CCDC51: variants seen among roughly 807,000 people sequenced by gnomAD.
The protein encoded by CCDC51 is coiled-coil domain containing 51, also known as mitochondrial potassium channel.
CCDC51 carries 25 observed loss-of-function variants against 24.8 expected under a neutral mutation model. That is an observed-to-expected ratio of 1.01 (90% confidence interval 0.73 to 1.41). The LOEUF (loss-of-function observed/expected upper bound fraction) is 1.41, where lower values mean the gene tolerates loss of function less well. CCDC51 is among the 40% of genes most tolerant of loss of function. The pLI, the probability that CCDC51 is intolerant of heterozygous loss-of-function variation, is 0.00. For synonymous variants in CCDC51, 190 were observed against 204.3 expected (o/e 0.93, Z 0.60); for missense variants, 466 against 519.1 (o/e 0.90, Z 0.99).
In CCDC51 at chr3:48,433,007, G is replaced by A. The variant is rs1483465770; in HGVS notation, c.637C>T (p.Leu213=). The A allele has an allele frequency of 6.2e-7, 1 of 1,614,058 alleles. No individual in the cohort carries two copies. The highest frequency in any genetic ancestry group is 1.3e-5 in the African/African-American group (1 of 74,922). ...WSLIGSVLGA[L]IGVAGSTYVN... ...TAGGTGGAGCCAGCCACACCAATCA[G>A]GGCCCCCAGGACTGAGCCAATGAGG... The change falls in exon 4 of 4, where the codon CTG becomes TTG. Residue 213 remains leucine, a synonymous_variant. Coordinates refer to ENST00000395694, the MANE Select transcript of CCDC51 (RefSeq NM_001256964.2). The surrounding 1 kb of genome is among the most constrained non-coding windows in gnomAD (Gnocchi z 4.4).
intron 1 of CCDC51, among the ~76,000 whole-genome samples, chr3:48,439,453 G>A (rs1414823884): frequency 4.6e-5 from 7 of 152,164 alleles, no homozygotes; most frequent in Admixed American, 3.3e-4. Flanking sequence ...CCAACATGGC[G>A]AAACCCCGTC....
rs567052463 is a variant in CCDC51, at chr3:48,435,739, A to G, written c.-8-603T>C. Among the ~76,000 whole-genome samples the G allele has an allele frequency of 1.3e-5, 2 of 152,286 alleles. No individual in the cohort carries two copies. The highest frequency in any genetic ancestry group is 2.1e-4 in the South Asian group (1 of 4,820). ...CAGGCCATTTGTGACCCAAGACAGA[A>G]AACTCTCAGCTCTCCTCTAAGATAA... On this transcript the variant is annotated intron_variant, in intron 1 of 3. Coordinates refer to ENST00000395694, the MANE Select transcript of CCDC51 (RefSeq NM_001256964.2). The surrounding 1 kb of genome is among the most constrained non-coding windows in gnomAD (Gnocchi z 4.2).
At chr3:48,443,829 G>T, upstream of CCDC51, 1 of 1,556,942 alleles carries the variant, frequency 6.4e-7, no homozygotes, top group Admixed American at 2.1e-5. Flanking sequence ...CCCTAATTGT[G>T]ACTATTTTTC....
intron 1 of CCDC51, among the ~76,000 whole-genome samples, chr3:48,438,504 A>G (rs1297181253): frequency 6.6e-6 from 1 of 152,126 alleles, no homozygotes; most frequent in Non-Finnish European, 1.5e-5. Context: ...GATGACAGCA[A>G]TACCAAGTTC....
chr3:48,440,152 C>T (rs574756359), upstream of CCDC51: 1 of 1,372,664 alleles, frequency 7.3e-7, no homozygotes, highest in South Asian at 1.5e-5. Context: ...TGTTAGTACC[C>T]GCCCCTGGAG....
chr3:48,433,630 C>G lies in CCDC51; in HGVS notation c.477+77G>C. 1 of 1,499,772 alleles carries G rather than the reference C, an allele frequency of 6.7e-7. No homozygotes were observed. The highest frequency in any genetic ancestry group is 1.3e-5 in the South Asian group (1 of 79,220). The allele number at this position is 1,499,772 out of a possible 1,614,324, so 92.9% of individuals were successfully genotyped here. On this transcript the variant is annotated intron_variant, in intron 3 of 3. Coordinates refer to ENST00000395694, the MANE Select transcript of CCDC51 (RefSeq NM_001256964.2). This position sits in a 1 kb window ranked among gnomAD's most constrained non-coding sequence, Gnocchi z 4.4. ...CTCTGACTACAGACCAGTCAGGGTT[C>G]CCACCCGGCCCCTCCATGATCTGCC...
chr3:48,442,682 C>T (rs1036811965), upstream of CCDC51, among the ~76,000 whole-genome samples: 1 of 151,902 alleles, frequency 6.6e-6, no homozygotes, highest in Admixed American at 6.6e-5. Flanking sequence ...GATCTCCTGA[C>T]CTCGTGATCC....
chr3:48,440,691 G>GC, upstream of CCDC51: 1 of 1,456,102 alleles, frequency 6.9e-7, no homozygotes, highest in South Asian at 1.2e-5. Context: ...TGGGATGAGG[G>GC]CGCGGGCATG....
rs2039256644 is a variant in CCDC51, at chr3:48,433,632, C to T, written c.477+75G>A. The T allele has an allele frequency of 2.0e-6, 3 of 1,515,132 alleles. No homozygotes were observed. Among genetic ancestry groups the T allele is most frequent in the African/African-American group, 2.7e-5 (2 of 72,812 alleles). The allele number at this position is 1,515,132 out of a possible 1,614,324, so 93.9% of individuals were successfully genotyped here. ...CTGACTACAGACCAGTCAGGGTTCC[C>T]ACCCGGCCCCTCCATGATCTGCCAG... On this transcript the variant is annotated intron_variant, in intron 3 of 3. Transcript: ENST00000395694. The surrounding 1 kb of genome is among the most constrained non-coding windows in gnomAD (Gnocchi z 4.4).
intron 1 of CCDC51, among the ~76,000 whole-genome samples, chr3:48,438,891 T>C (rs909816091): frequency 1.8e-4 from 28 of 152,186 alleles, no homozygotes; most frequent in African/African-American, 6.3e-4. Context: ...CTGGCTCTCA[T>C]TCCTCTCTGA....
chr3:48,443,759 C>A (rs955420170), upstream of CCDC51: 12 of 1,084,308 alleles, frequency 1.1e-5, no homozygotes, highest in African/African-American at 1.6e-5. Context: ...ATACAAAAGC[C>A]AGGCTTTACT....
At chr3:48,443,573 G>A (rs1353240153), upstream of CCDC51, among the ~76,000 whole-genome samples, 1 of 151,968 alleles carries the variant, frequency 6.6e-6, no homozygotes, top group Non-Finnish European at 1.5e-5. Flanking sequence ...CTGTAAAATG[G>A]GTTGATATGG....
chr3:48,440,259 T>C, upstream of CCDC51: 1 of 1,579,724 alleles, frequency 6.3e-7, no homozygotes, highest in Non-Finnish European at 8.6e-7. Flanking sequence ...GACGCTCCGT[T>C]TCCGGTGGCA....
chr3:48,433,558 G>C lies in CCDC51; in HGVS notation c.477+149C>G. On this transcript the variant is annotated intron_variant, in intron 3 of 3. Coordinates refer to ENST00000395694, the MANE Select transcript of CCDC51 (RefSeq NM_001256964.2). This position sits in a 1 kb window ranked among gnomAD's most constrained non-coding sequence, Gnocchi z 4.4. ...TATATGGATAGACTCTGGAAGCTTG[G>C]GGTTCTGTCCATCCATAGGAGCTTC... is the stretch of plus-strand genomic sequence containing the variant. The C allele has an allele frequency of 1.2e-6, 1 of 818,934 alleles. No individual in the cohort carries two copies. Among genetic ancestry groups the C allele is most frequent in the Non-Finnish European group, 1.9e-6 (1 of 516,218 alleles). The allele number at this position is 818,934 out of a possible 1,614,324, so 50.7% of individuals were successfully genotyped here. A position where few individuals can be genotyped will look rare whatever the true frequency, so the allele number is the denominator to read the frequency against.
In CCDC51 at chr3:48,434,807, C is replaced by T. The variant is rs191317794; in HGVS notation, c.312+10G>A. 20 of 1,577,728 alleles carry T rather than the reference C, an allele frequency of 1.3e-5. No homozygotes were observed. In the Admixed American group the frequency reaches 2.9e-4, roughly 23 times the overall value. On this transcript the variant is annotated intron_variant, in intron 2 of 3. Coordinates refer to ENST00000395694, the MANE Select transcript of CCDC51 (RefSeq NM_001256964.2). Reference sequence around the variant, plus strand: ...AGGGCGGGGCCAGCCACCCCAGCTCCCCTCCTCACCTCTGTCACCTTTCCC... The same window carrying T: ...AGGGCGGGGCCAGCCACCCCAGCTCTCCTCCTCACCTCTGTCACCTTTCCC...
upstream of CCDC51, among the ~76,000 whole-genome samples, chr3:48,441,976 A>G (rs1035803164): frequency 1.3e-5 from 2 of 152,230 alleles, no homozygotes; most frequent in African/African-American, 4.8e-5. Flanking sequence ...TGGGCTGACC[A>G]TAATCCAAGT....
In CCDC51 at chr3:48,433,739, C is replaced by G. The variant is rs1404759857; in HGVS notation, c.445G>C (p.Glu149Gln). 4 of 1,613,904 alleles carry G rather than the reference C, an allele frequency of 2.5e-6. No individual in the cohort carries two copies. Among genetic ancestry groups the G allele is most frequent in the Non-Finnish European group, 8.5e-7 (1 of 1,180,002 alleles). ...RVSREDSQYL[E>Q]LATLEHRMLQ... The stretch of plus-strand genomic sequence containing the variant: ...ATCCTGTGCTCGAGAGTAGCCAGTT[C>G]CAAGTACTGACTGTCCTCCCTGGAG... The change falls in exon 3 of 4, where the codon GAA becomes CAA. Residue 149 changes from glutamate (E) to glutamine (Q), a missense_variant. Glu to Gln is a conservative substitution (Grantham distance 29, BLOSUM62 2). Coordinates refer to ENST00000395694, the MANE Select transcript of CCDC51 (RefSeq NM_001256964.2). The surrounding 1 kb of genome is among the most constrained non-coding windows in gnomAD (Gnocchi z 4.4).
rs1047154611 is a variant in CCDC51, at chr3:48,437,455, G to C, written c.-8-2319C>G. 1.3e-5 allele frequency among the ~76,000 whole-genome samples: 2 copies of C among 152,026 alleles called. No individual in the cohort carries two copies. The highest frequency in any genetic ancestry group is 2.9e-5 in the Non-Finnish European group (2 of 68,028). ...CAGGCCCCCCAACCAGCAAGGAGAAGAATGTTCCTGGCAAAGAGAAAAGGT... is the reference window on the plus strand; with the variant it reads ...CAGGCCCCCCAACCAGCAAGGAGAACAATGTTCCTGGCAAAGAGAAAAGGT... On this transcript the variant is annotated intron_variant, in intron 1 of 3. Transcript: ENST00000395694. This position sits in a 1 kb window ranked among gnomAD's most constrained non-coding sequence, Gnocchi z 4.2.
chr3:48,440,175 T>A, upstream of CCDC51: 1 of 1,477,528 alleles, frequency 6.8e-7, no homozygotes, highest in Non-Finnish European at 9.0e-7. Context: ...CCGCATCCGG[T>A]AGCGAGAGTT....
Sources: gnomAD v4.1 joint callset for allele counts (sites outside exome capture counted in the v4.1 genomes callset) on GRCh38, gnomAD v4.1.1 for gene constraint, Gnocchi (gnomAD v3.1) non-coding constraint, MANE v1.5 for transcripts, NCBI Gene and HGNC (gene_info 2026-07-23, HGNC 2026-07-21) for gene names.